Variants in EPB41L3 observed in about 807,000 individuals in gnomAD.
EPB41L3 encodes band 4.1-like protein 3.
Under a neutral mutation model 127.1 loss-of-function variants are expected in EPB41L3, and 57 were observed. That is an observed-to-expected ratio of 0.45 (90% CI 0.36 to 0.56). EPB41L3 has a LOEUF of 0.56. EPB41L3 is among the 20% of genes least tolerant of loss of function. The pLI is 0.00. For missense variants in EPB41L3, 1,273 were observed against 1,372.2 expected (o/e 0.93, Z 1.14); for synonymous variants, 572 against 549.5 (o/e 1.04, Z -0.57).
At chr18:5,401,331 A>G (rs374705693) in intron 16 of EPB41L3, among the ~76,000 whole-genome samples, 22 of 152,306 alleles carry the variant, frequency 1.4e-4, no homozygotes, top group Middle Eastern at 6.8e-3. Context: ...ATTTCTACAA[A>G]CACAGAGCAT....
At chr18:5,540,998 TG>T (rs1179250523) in intron 1 of EPB41L3, among the ~76,000 whole-genome samples, 1 of 145,540 alleles carries the variant, frequency 6.9e-6, no homozygotes, top group Non-Finnish European at 1.5e-5. Flanking sequence ...GGCAGGAGAA[TG>T]GCGTGAACCC....
intron 1 of EPB41L3, among the ~76,000 whole-genome samples, chr18:5,624,855 C>T (rs527887765): frequency 6.6e-6 from 1 of 152,188 alleles, no homozygotes; most frequent in African/African-American, 2.4e-5. Context: ...CAAAGAGCTA[C>T]AGAAGGAAAG....
chr18:5,488,585 A>G (rs55941881), intron 2 of EPB41L3, among the ~76,000 whole-genome samples: 4,271 of 147,652 alleles, frequency 0.029, 193 homozygotes, highest in Admixed American at 0.12. Flanking sequence ...TGATGATGAT[A>G]ATAATAATAA....
At position 5,454,380 on chromosome 18, in the gene EPB41L3, T is replaced by C. The variant is rs186804962; in HGVS notation, c.382-9136A>G. On this transcript the variant is annotated intron_variant, in intron 3 of 22. Transcript: ENST00000341928. ...AAGACAAGGCACCAGCTATCCTATG[T>C]GAATCTCCTGCCTTTTTGGGCTGTC... Among the ~76,000 whole-genome samples the C allele has an allele frequency of 9.7e-4, 147 of 152,218 alleles. 1 individual carries two copies. In the East Asian group the frequency reaches 0.025, roughly 26 times the overall value.
intron 1 of EPB41L3, among the ~76,000 whole-genome samples, chr18:5,540,946 G>A (rs2093701396): frequency 1.3e-5 from 2 of 151,990 alleles, no homozygotes; most frequent in Admixed American, 6.6e-5. Flanking sequence ...TTAGCCGGGC[G>A]TGGTGGCGGG....
In EPB41L3 at chr18:5,461,857, C is replaced by T. The variant is rs914880540; in HGVS notation, c.381+16384G>A. ...TGGAAGTCTGTGACCCCTTACAGAA[C>T]AAATAAATAAAAAGCTTAAGGTGCA... On this transcript the variant is annotated intron_variant, in intron 3 of 22. Coordinates refer to ENST00000341928, the MANE Select transcript of EPB41L3 (RefSeq NM_012307.5). Among the ~76,000 whole-genome samples the T allele has an allele frequency of 5.3e-5, 8 of 152,138 alleles. 1 individual carries two copies. Among genetic ancestry groups the T allele is most frequent in the Admixed American group, 4.6e-4 (7 of 15,288 alleles).
Position 5,599,790 on chromosome 18 carries a change from C to T in EPB41L3, c.-306+12550G>A, listed in dbSNP as rs139687783. ...CCTGTACAGCCTGCAGAATGATGAGCCAATTAAATCCCTTTCTTTACAAAT... is the reference window on the plus strand; with the variant it reads ...CCTGTACAGCCTGCAGAATGATGAGTCAATTAAATCCCTTTCTTTACAAAT... On this transcript the variant is annotated intron_variant, in intron 3 of 21. Transcript: ENST00000545076. Among the ~76,000 whole-genome samples, 346 of 152,214 alleles carry T rather than the reference C, an allele frequency of 2.3e-3. 1 individual carries two copies. In the Middle Eastern group the frequency reaches 0.024, roughly 10 times the overall value.
At chr18:5,495,295 TCA>T (rs1365922203) in intron 1 of EPB41L3, among the ~76,000 whole-genome samples, 4 of 150,884 alleles carry the variant, frequency 2.7e-5, no homozygotes, top group Non-Finnish European at 1.5e-5. Context: ...AAAATTAATC[TCA>T]CAATGGCCAC....
chr18:5,521,271 A>C (rs373626228), intron 1 of EPB41L3: 11 of 152,220 alleles, frequency 7.2e-5, no homozygotes, highest in African/African-American at 2.7e-4. Flanking sequence ...AGCACACACA[A>C]AAAAAGGATC....
chr18:5,493,498 A>G (rs1042549782), intron 1 of EPB41L3, among the ~76,000 whole-genome samples: 1 of 152,194 alleles, frequency 6.6e-6, no homozygotes, highest in Non-Finnish European at 1.5e-5. Context: ...CCAGTCTGCT[A>G]AAAACCATCA....
At chr18:5,466,823 C>A (rs1181322512) in intron 3 of EPB41L3, among the ~76,000 whole-genome samples, 1 of 152,200 alleles carries the variant, frequency 6.6e-6, no homozygotes, top group East Asian at 1.9e-4. Flanking sequence ...GATTTCTAAT[C>A]TTGTGGCTGA....
At chr18:5,402,568 A>G (rs577796199) in intron 16 of EPB41L3, among the ~76,000 whole-genome samples, 219 of 152,326 alleles carry the variant, frequency 1.4e-3, no homozygotes, top group Middle Eastern at 3.4e-3. Context: ...GTCCAATAAC[A>G]TAAACAGGTA....
intron 13 of EPB41L3, 48 bp from the exon 14 acceptor site, chr18:5,410,667 A>G (rs1598585379): frequency 6.6e-7 from 1 of 1,524,296 alleles, no homozygotes; most frequent in South Asian, 1.1e-5. Context: ...GCAGGGACAG[A>G]AAGTAAACCA....
chr18:5,629,924 G>A (rs2094972825), upstream of EPB41L3, among the ~76,000 whole-genome samples: 1 of 152,204 alleles, frequency 6.6e-6, no homozygotes, highest in African/African-American at 2.4e-5. Context: ...CGGAGGGGTG[G>A]AGGCAAGAGG....
rs1414549778 is a variant in EPB41L3, at chr18:5,527,669, TG to T, written c.-12+16243del. 2.0e-5 allele frequency among the ~76,000 whole-genome samples: 3 copies of T among 152,080 alleles called. 1 individual carries two copies. The South Asian group carries it at 6.2e-4, about 31-fold the overall frequency. On this transcript the variant is annotated intron_variant, in intron 1 of 22. Transcript: ENST00000341928. ...GAGGAGCAGGTTTTGTAGGATGTTG[TG>T]GGGGTTGGGAGGAGGTCTGTGCAAG...
At chr18:5,541,314 G>T (rs1463389311) in intron 1 of EPB41L3, among the ~76,000 whole-genome samples, 1 of 136,238 alleles carries the variant, frequency 7.3e-6, no homozygotes, top group Non-Finnish European at 1.6e-5. Context: ...AATTCTCACA[G>T]AAAGGAAACA....
chr18:5,544,337 C>G, upstream of EPB41L3: 3 of 985,158 alleles, frequency 3.0e-6, no homozygotes, highest in Non-Finnish European at 3.6e-6. Flanking sequence ...TCCCAGACAT[C>G]CCCTGTGAGA....
At chr18:5,428,589 C>A (rs759940466) in intron 8 of EPB41L3, 124 bp from the exon 9 acceptor site, 15 of 1,105,982 alleles carry the variant, frequency 1.4e-5, no homozygotes, top group Non-Finnish European at 2.0e-5. Flanking sequence ...CAAAATGATG[C>A]AGCCATTTTT....
At chr18:5,505,274 G>C (rs2092057994) in intron 1 of EPB41L3, among the ~76,000 whole-genome samples, 1 of 152,124 alleles carries the variant, frequency 6.6e-6, no homozygotes, top group African/African-American at 2.4e-5. Flanking sequence ...CATCCTCCCA[G>C]AGTCTGACGC....
Sources: allele counts gnomAD v4.1 joint callset (sites outside exome capture counted in the v4.1 genomes callset), GRCh38; gene constraint gnomAD v4.1.1; transcripts MANE v1.5; gene names NCBI Gene and HGNC (gene_info 2026-07-23, HGNC 2026-07-21).